IGSF9B: variants seen among roughly 807,000 people sequenced by gnomAD.
IGSF9B encodes immunoglobulin superfamily member 9B.
In IGSF9B, 48 loss-of-function variants were observed where a neutral mutation model predicts 143.7. That is an observed-to-expected ratio of 0.33 (90% confidence interval 0.26 to 0.42). The LOEUF is 0.42. IGSF9B is among the 20% of genes least tolerant of loss of function. The pLI, the probability that IGSF9B is intolerant of heterozygous loss-of-function variation, is 1.00. For synonymous variants in IGSF9B, 903 were observed against 833.1 expected (o/e 1.08, Z -1.44); for missense variants, 1,706 against 1,980.0 (o/e 0.86, Z 2.63).
intron 19 of IGSF9B, among the ~76,000 whole-genome samples, chr11:133,910,489 G>A (rs1216993307): frequency 6.6e-6 from 1 of 152,216 alleles, no homozygotes; most frequent in Non-Finnish European, 1.5e-5. Context: ...GTGAAGGCAA[G>A]GGAAGAATCT....
rs1019743338 is a variant in IGSF9B, at chr11:133,904,225, C to T, written c.*4844G>A. Among the ~76,000 whole-genome samples, 4 of 152,158 alleles carry T rather than the reference C, an allele frequency of 2.6e-5. No homozygotes were observed. Among genetic ancestry groups the T allele is most frequent in the African/African-American group, 7.2e-5 (3 of 41,448 alleles). The stretch of plus-strand genomic sequence containing the variant: ...CATCACCATCACCAAGGCCCATGAA[C>T]ATTTTCAGATTGTGGACGGAGAGGC... On this transcript the variant is annotated 3_prime_UTR_variant, in exon 20 of 20. Coordinates refer to ENST00000533871, the MANE Select transcript of IGSF9B (RefSeq NM_001277285.4).
intron 18 of IGSF9B, among the ~76,000 whole-genome samples, chr11:133,916,231 A>G (rs1565417494): frequency 6.6e-6 from 1 of 151,978 alleles, no homozygotes; most frequent in African/African-American, 2.4e-5. Context: ...ACGCAATACA[A>G]CTCCCCATGT....
chr11:133,931,914 C>A lies in IGSF9B; in HGVS notation c.1111-119G>T. 1 of 1,502,780 alleles carries A rather than the reference C, an allele frequency of 6.7e-7. No homozygotes were observed. 93.1% of individuals were successfully genotyped at this position (1,502,780 alleles called of 1,614,324 possible). ...ATAGTACAGGAGCTCCAGCCCGGGG[C>A]GGGCGGCACCCGCAGACCCCTACAG... On this transcript the variant is annotated intron_variant, in intron 8 of 19. Coordinates refer to ENST00000533871, the MANE Select transcript of IGSF9B (RefSeq NM_001277285.4). This position sits in a 1 kb window ranked among gnomAD's most constrained non-coding sequence, Gnocchi z 7.7.
chr11:133,922,666 T>C lies in IGSF9B; in HGVS notation c.2184A>G (p.Val728=), dbSNP rs1939563072. Residue 728 remains valine (V), a synonymous_variant, in exon 16 of 20, where the codon GTA becomes GTG. Coordinates refer to ENST00000533871, the MANE Select transcript of IGSF9B (RefSeq NM_001277285.4). The part of the protein sequence containing the change: ...GLARPVLAGI[V]ATICFLAAAI... ...CAGCTGCCAAGAAGCAGATGGTAGC[T>C]ACGATTCCCGCCAGCACAGGCCGCG... The C allele has an allele frequency of 6.3e-7, 1 of 1,588,544 alleles. No homozygotes were observed. Among genetic ancestry groups the C allele is most frequent in the Non-Finnish European group, 8.6e-7 (1 of 1,166,966 alleles).
Position 133,902,609 on chromosome 11 carries a change from G to T in IGSF9B, c.*6460C>A, listed in dbSNP as rs1337180693. Among the ~76,000 whole-genome samples, 2 of 140,974 alleles carry T rather than the reference G, an allele frequency of 1.4e-5. No homozygotes were observed. Among genetic ancestry groups the T allele is most frequent in the Non-Finnish European group, 3.2e-5 (2 of 63,108 alleles). 92.5% of individuals were successfully genotyped at this position (140,974 alleles called of 152,430 possible). On this transcript the variant is annotated 3_prime_UTR_variant, in exon 20 of 20. Coordinates refer to ENST00000533871, the MANE Select transcript of IGSF9B (RefSeq NM_001277285.4). The stretch of plus-strand genomic sequence containing the variant: ...ACACCCCACTTACTTCCTGAATCCA[G>T]AAAAGAAACACTGGACTAGACAGCT...
Position 133,922,692 on chromosome 11 carries a change from C to T in IGSF9B, c.2158G>A (p.Ala720Thr), listed in dbSNP as rs1939563754. ...ACGATTCCCGCCAGCACAGGCCGCGCCAGCCCATCCTCGGTCAGGTCCGGC... is the reference window on the plus strand; with the variant it reads ...ACGATTCCCGCCAGCACAGGCCGCGTCAGCCCATCCTCGGTCAGGTCCGGC... ...PQPDLTEDGL[A>T]RPVLAGIVAT... The change falls in exon 16 of 20, where the codon GCG becomes ACG. Residue 720 changes from alanine (A) to threonine (T), a missense_variant. Physicochemically the swap from Ala to Thr is moderately conservative, Grantham distance 58. This residue lies in a region of IGSF9B where 267 missense variants were observed against 321.1 expected (regional missense o/e 0.83). Coordinates refer to ENST00000533871, the MANE Select transcript of IGSF9B (RefSeq NM_001277285.4). 1.4e-5 allele frequency: 22 copies of T among 1,586,430 alleles called. No individual in the cohort carries two copies. Among genetic ancestry groups the T allele is most frequent in the Non-Finnish European group, 1.7e-5 (20 of 1,167,498 alleles).
At chr11:133,912,508 G>T (rs1233321387) in intron 18 of IGSF9B, 1 of 375,758 alleles carries the variant, frequency 2.7e-6, no homozygotes, top group African/African-American at 2.1e-5. Flanking sequence ...CAGTAAGACA[G>T]GCTGCACAAA....
Position 133,919,858 on chromosome 11 carries a change from G to A in IGSF9B, c.3867C>T (p.Pro1289=), listed in dbSNP as rs746950253. The change falls in exon 18 of 20, where the codon CCC becomes CCT. Residue 1289 remains proline (P), a synonymous_variant. Coordinates refer to ENST00000533871, the MANE Select transcript of IGSF9B (RefSeq NM_001277285.4). ...AGCTGTCCCCAGGCCCAGCAGGGGC[G>A]GGGCCGGGTGGAGGGGAAGGGTAGC... ...ATGYPSPPPG[P]APAGPGDSLD... The A allele has an allele frequency of 3.2e-6, 5 of 1,586,416 alleles. No individual in the cohort carries two copies. Among genetic ancestry groups the A allele is most frequent in the African/African-American group, 1.4e-5 (1 of 73,824 alleles).
intron 1 of IGSF9B, chr11:133,952,298 C>G (rs1940174906): frequency 1.0e-5 from 3 of 297,342 alleles, no homozygotes; most frequent in African/African-American, 6.5e-5. Flanking sequence ...GAGTGAGCAA[C>G]TGAGACACAG....
chr11:133,916,498 C>G (rs1939385254), intron 18 of IGSF9B, among the ~76,000 whole-genome samples: 1 of 152,182 alleles, frequency 6.6e-6, no homozygotes, highest in Non-Finnish European at 1.5e-5. Context: ...GGGAGGCTCC[C>G]AGCAGGCAGG....
chr11:133,935,179 C>T (rs1337468881), intron 7 of IGSF9B, among the ~76,000 whole-genome samples: 2 of 152,210 alleles, frequency 1.3e-5, no homozygotes, highest in Admixed American at 6.5e-5. Flanking sequence ...GACACAGACG[C>T]GGTGTGGAAA....
Position 133,901,872 on chromosome 11 carries a change from C to CACCACACACACACCACACAT in IGSF9B, c.*7196_*7197insATGTGTGGTGTGTGTGTGGT, listed in dbSNP as rs1565409486. 6.9e-6 allele frequency among the ~76,000 whole-genome samples: 1 copy of CACCACACACACACCACACAT among 144,310 alleles called. No individual in the cohort carries two copies. The highest frequency in any genetic ancestry group is 1.5e-5 in the Non-Finnish European group (1 of 65,938). The allele number at this position is 144,310 out of a possible 152,430, so 94.7% of individuals were successfully genotyped here. ...ACACGCACCACACACGCACCACACA[C>CACCACACACACACCACACAT]GCACCACACACACACACAACACACA... is the stretch of plus-strand genomic sequence containing the variant. On this transcript the variant is annotated 3_prime_UTR_variant, in exon 20 of 20. Transcript: ENST00000533871.
At chr11:133,944,920 T>C (rs1940018976) in intron 2 of IGSF9B, among the ~76,000 whole-genome samples, 1 of 152,008 alleles carries the variant, frequency 6.6e-6, no homozygotes, top group Non-Finnish European at 1.5e-5. Flanking sequence ...AGTCCTGCTG[T>C]CAGTGCCAGA....
At chr11:133,926,024 C>T (rs1431896362) in intron 13 of IGSF9B, 59 bp from the exon 14 acceptor site, 1 of 1,199,988 alleles carries the variant, frequency 8.3e-7, no homozygotes, top group East Asian at 2.5e-5. Flanking sequence ...GCAGCCACCG[C>T]ACCCCCCACA....
Position 133,914,392 on chromosome 11 carries a change from G to A in IGSF9B, c.3984-2385C>T, listed in dbSNP as rs1305559263. 3.9e-5 allele frequency among the ~76,000 whole-genome samples: 6 copies of A among 152,126 alleles called. No homozygotes were observed. In the South Asian group the frequency reaches 6.2e-4, roughly 16 times the overall value. On this transcript the variant is annotated intron_variant, in intron 18 of 19. Transcript: ENST00000533871. ...CAAAGAAGAAAAGCATGGCATCCCC[G>A]CCACACCTGAGAAATAGATCTGCCT... is the stretch of plus-strand genomic sequence containing the variant.
At position 133,914,168 on chromosome 11, in the gene IGSF9B, G is replaced by A. The variant is rs541460877; in HGVS notation, c.3984-2161C>T. On this transcript the variant is annotated intron_variant, in intron 18 of 19. Transcript: ENST00000533871. Reference sequence around the variant, plus strand: ...CAGCAGGCACTGCTGTACAATAATTGCCTGTAATCTCTACAGCAAACCTAA... The same window carrying A: ...CAGCAGGCACTGCTGTACAATAATTACCTGTAATCTCTACAGCAAACCTAA... Among the ~76,000 whole-genome samples the A allele has an allele frequency of 2.0e-5, 3 of 152,226 alleles. No individual in the cohort carries two copies. In the East Asian group the frequency reaches 5.8e-4, roughly 29 times the overall value.
At chr11:133,918,054 G>A (rs536832665) in intron 18 of IGSF9B, among the ~76,000 whole-genome samples, 2 of 151,452 alleles carry the variant, frequency 1.3e-5, no homozygotes, top group Non-Finnish European at 3.0e-5. Flanking sequence ...GACGGGGGGT[G>A]GGGGGCAGAA....
intron 13 of IGSF9B, among the ~76,000 whole-genome samples, chr11:133,926,288 G>A (rs546724786): frequency 7.2e-5 from 11 of 152,188 alleles, no homozygotes; most frequent in South Asian, 2.1e-4. Context: ...CTTCTTGGCC[G>A]GGGTTTGGGG....
chr11:133,910,450 G>A (rs555494059), intron 19 of IGSF9B, among the ~76,000 whole-genome samples: 1 of 152,202 alleles, frequency 6.6e-6, no homozygotes, highest in African/African-American at 2.4e-5. Context: ...TGAGCTAACA[G>A]GCATTACCTA....
Sources: allele counts gnomAD v4.1 joint callset (sites outside exome capture counted in the v4.1 genomes callset), GRCh38; gene constraint gnomAD v4.1.1; regional missense constraint gnomAD v4.1.1; non-coding constraint Gnocchi (gnomAD v3.1); transcripts MANE v1.5; gene names NCBI Gene and HGNC (gene_info 2026-07-23, HGNC 2026-07-21).